KAZN: variants seen among roughly 807,000 people sequenced by gnomAD.
KAZN encodes kazrin.
A neutral mutation model predicts 87.4 loss-of-function variants in KAZN; 40 were observed. That is an observed-to-expected ratio of 0.46 (90% CI 0.36 to 0.60). KAZN has a LOEUF of 0.60. KAZN is among the 20% of genes least tolerant of loss of function. The pLI is 0.00. For missense variants in KAZN, 898 were observed against 1,073.9 expected (o/e 0.84, Z 2.29); for synonymous variants, 466 against 458.3 (o/e 1.02, Z -0.22).
intron 1 of KAZN, among the ~76,000 whole-genome samples, chr1:14,825,550 A>G (rs1236477593): frequency 1.3e-5 from 2 of 152,164 alleles, no homozygotes; most frequent in African/African-American, 2.4e-5. Flanking sequence ...CAAAACTCCA[A>G]TGAGCCAGCT....
chr1:14,243,103 G>A (rs947731098), intron 2 of KAZN, among the ~76,000 whole-genome samples: 2 of 152,170 alleles, frequency 1.3e-5, no homozygotes, highest in South Asian at 2.1e-4. Context: ...CTCAAGAAAC[G>A]TCCCTCCTTG....
intron 2 of KAZN, among the ~76,000 whole-genome samples, chr1:14,993,451 A>G (rs1276843389): frequency 1.3e-5 from 2 of 151,974 alleles, no homozygotes; most frequent in African/African-American, 4.8e-5. Context: ...CCTGGGCAAC[A>G]AGAGCAAAAC....
chr1:14,115,301 C>A (rs1644591089), intron 1 of KAZN, among the ~76,000 whole-genome samples: 1 of 152,232 alleles, frequency 6.6e-6, no homozygotes, highest in Non-Finnish European at 1.5e-5. Flanking sequence ...ACCCTAATTA[C>A]CTCCTGATAT....
chr1:14,758,940 T>C (rs766188164), intron 1 of KAZN, among the ~76,000 whole-genome samples: 35 of 150,648 alleles, frequency 2.3e-4, no homozygotes, highest in Non-Finnish European at 4.7e-4. Flanking sequence ...AGCATGAAAG[T>C]AAGAGAGCTG....
chr1:15,051,024 G>A (rs865882852), intron 4 of KAZN, among the ~76,000 whole-genome samples: 2 of 152,342 alleles, frequency 1.3e-5, no homozygotes, highest in Middle Eastern at 3.4e-3. Flanking sequence ...TATGAAGCAC[G>A]GGAAGAAGGT....
intron 1 of KAZN, among the ~76,000 whole-genome samples, chr1:14,648,261 G>A (rs1680957148): frequency 3.3e-5 from 5 of 152,190 alleles, no homozygotes; most frequent in African/African-American, 9.6e-5. Flanking sequence ...TCTGGGCATG[G>A]GAATAGAGAC....
At position 15,074,638 on chromosome 1, in the gene KAZN, G is replaced by A. The variant is rs539086739; in HGVS notation, c.1222+8885G>A. Among the ~76,000 whole-genome samples the A allele has an allele frequency of 3.3e-5, 5 of 152,256 alleles. No individual in the cohort carries two copies. The South Asian group carries it at 6.2e-4, about 19-fold the overall frequency. On this transcript the variant is annotated intron_variant, in intron 8 of 14. Transcript: ENST00000376030. ...CCACGAACCACAGGACAACTGCATT[G>A]AGCAACGCCTCCCCAGGTCACAGCG...
At chr1:14,079,393 T>A (rs1323900799) in intron 1 of KAZN, among the ~76,000 whole-genome samples, 5 of 152,216 alleles carry the variant, frequency 3.3e-5, no homozygotes, top group African/African-American at 9.6e-5. Flanking sequence ...AGTTACTTCT[T>A]AACAGAACTC....
intron 1 of KAZN, among the ~76,000 whole-genome samples, chr1:13,899,591 T>G (rs1240359707): frequency 6.6e-6 from 1 of 152,174 alleles, no homozygotes; most frequent in African/African-American, 2.4e-5. Context: ...CATTGATGTC[T>G]TCTGTGTTAG....
At chr1:14,109,703 A>C (rs1644455455) in intron 1 of KAZN, among the ~76,000 whole-genome samples, 1 of 150,390 alleles carries the variant, frequency 6.6e-6, no homozygotes, top group Non-Finnish European at 1.5e-5. Flanking sequence ...GAGGGTAATT[A>C]CTCTAATTTG....
chr1:14,933,346 G>A (rs1300926780), intron 1 of KAZN, among the ~76,000 whole-genome samples: 1 of 152,152 alleles, frequency 6.6e-6, no homozygotes, highest in African/African-American at 2.4e-5. Flanking sequence ...GCCTGCCTCG[G>A]CCTCCCAAAG....
At chr1:14,948,263 CTGGCT>C (rs1224975393) in intron 1 of KAZN, among the ~76,000 whole-genome samples, 1 of 152,214 alleles carries the variant, frequency 6.6e-6, no homozygotes, top group African/African-American at 2.4e-5. Context: ...GGGATAGGAT[CTGGCT>C]TCAGGTGTGG....
At chr1:13,941,096 A>AG in intron 1 of KAZN, among the ~76,000 whole-genome samples, 1 of 152,228 alleles carries the variant, frequency 6.6e-6, no homozygotes, top group African/African-American at 2.4e-5. Context: ...CGGGAGGCTG[A>AG]GGGGGAGAGA....
At chr1:14,357,512 G>C (rs1659138067) in intron 2 of KAZN, among the ~76,000 whole-genome samples, 1 of 152,122 alleles carries the variant, frequency 6.6e-6, no homozygotes, top group Admixed American at 6.5e-5. Context: ...GTTTTCAAAG[G>C]GAATGCTTCC....
chr1:14,669,961 C>T (rs2148733956), intron 1 of KAZN, among the ~76,000 whole-genome samples: 1 of 152,228 alleles, frequency 6.6e-6, no homozygotes, highest in South Asian at 2.1e-4. Flanking sequence ...TCAAGATTAC[C>T]ATTGACTTGA....
At chr1:14,946,014 C>G (rs1180767258) in intron 1 of KAZN, 3 of 600,390 alleles carry the variant, frequency 5.0e-6, no homozygotes. Context: ...GGCACAGCAG[C>G]CCTGGGAGAT....
At chr1:14,482,527 T>C (rs1213616116) in intron 2 of KAZN, among the ~76,000 whole-genome samples, 1 of 152,196 alleles carries the variant, frequency 6.6e-6, no homozygotes, top group Non-Finnish European at 1.5e-5. Flanking sequence ...ATAATATTAA[T>C]ATCTCCTAAT....
chr1:13,923,588 A>AAAAAAAAG (rs1553174046), intron 1 of KAZN, among the ~76,000 whole-genome samples: 1 of 139,882 alleles, frequency 7.1e-6, no homozygotes, highest in African/African-American at 2.8e-5. Context: ...AAAAAAAAAA[A>AAAAAAAAG]AAAATATAAT....
chr1:15,070,642 G>A (rs1038130146), intron 8 of KAZN, among the ~76,000 whole-genome samples: 2 of 152,192 alleles, frequency 1.3e-5, no homozygotes, highest in Non-Finnish European at 2.9e-5. Context: ...AACCGTGGGG[G>A]ACATCAGTCG....
Sources: allele counts gnomAD v4.1 joint callset (sites outside exome capture counted in the v4.1 genomes callset), GRCh38; gene constraint gnomAD v4.1.1; transcripts MANE v1.5; gene names NCBI Gene and HGNC (gene_info 2026-07-23, HGNC 2026-07-21).